The following RPGR variants were observed in gnomAD, a reference collection of about 807,000 sequenced individuals.
The protein encoded by RPGR is retinitis pigmentosa GTPase regulator, also known as X-linked retinitis pigmentosa GTPase regulator.
In RPGR, 10 loss-of-function variants were observed where a neutral mutation model predicts 56.3. The observed-to-expected ratio is 0.18, with a 90% CI of 0.11 to 0.30. The LOEUF is 0.30. Ranked by LOEUF, RPGR falls within the 10% of genes least tolerant of loss-of-function variation. The pLI is 1.00. For missense variants in RPGR, 538 were observed against 590.9 expected (o/e 0.91, Z 0.93); for synonymous variants, 197 against 212.9 (o/e 0.93, Z 0.65).
At chrX:38,276,827 G>A in intron 15 of RPGR, 1 of 983,118 alleles carries the variant, frequency 1.0e-6, no homozygotes, top group African/African-American at 1.9e-5. Context: ...AAAAAACGAG[G>A]GATTTGATAT....
chrX:38,286,883 C>G, intron 15 of RPGR: 2 of 1,206,068 alleles, frequency 1.7e-6, no homozygotes, highest in Non-Finnish European at 2.2e-6. Flanking sequence ...TCTTCCCCAT[C>G]CCTCTTCTTC....
chrX:38,277,427 T>C (rs1371732932), intron 15 of RPGR, among the ~76,000 whole-genome samples: 1 of 111,260 alleles, frequency 9.0e-6, no homozygotes, highest in Non-Finnish European at 1.9e-5. Context: ...TTATTAAGTA[T>C]AGGCAGAAAA....
At position 38,285,041 on chromosome X, in the gene RPGR, CAATT is replaced by C. The variant is rs755976137; in HGVS notation, c.1905+2049_1905+2052del. On this transcript the variant is annotated intron_variant, in intron 15 of 18. Coordinates refer to ENST00000642395, the MANE Select transcript of RPGR (RefSeq NM_000328.3). The stretch of plus-strand genomic sequence containing the variant: ...TACTTTCTTTAAAATGTGAATGCCT[CAATT>C]GAGTTTTAGAATACCATCCATTATT... The C allele has an allele frequency of 5.5e-5, 41 of 739,362 alleles. No homozygotes were observed. In the African/African-American group the frequency reaches 7.2e-4, roughly 13 times the overall value. 60.9% of individuals were successfully genotyped at this position (739,362 alleles called of 1,213,427 possible). A position where few individuals can be genotyped will look rare whatever the true frequency, so the allele number is the denominator to read the frequency against.
rs1483756039 is a variant in RPGR at position 38,323,439 on chromosome X, T to C, written c.114A>G (p.Val38=). 8.3e-7 allele frequency: 1 copy of C among 1,205,964 alleles called. No homozygotes were observed. Among genetic ancestry groups the C allele is most frequent in the Non-Finnish European group, 1.1e-6 (1 of 890,515 alleles). The change falls in exon 2 of 19, where the codon GTA becomes GTG. Residue 38 remains valine, a synonymous_variant. Coordinates refer to ENST00000642395, the MANE Select transcript of RPGR (RefSeq NM_000328.3). ...AATGTTCATCTCCACATGAAAGATG[T>C]ACAGGGACATCATTTTTAAACCAGA...
intron 14 of RPGR, 152 bp downstream of exon 14, chrX:38,287,709 T>A (rs1431437019): frequency 7.1e-6 from 4 of 565,814 alleles, no homozygotes; most frequent in Non-Finnish European, 1.2e-5. Context: ...CTGCTTCTGA[T>A]TCCTTCTGAC....
At chrX:38,315,973 G>A (rs1203166237) in intron 6 of RPGR, among the ~76,000 whole-genome samples, 1 of 109,358 alleles carries the variant, frequency 9.1e-6, no homozygotes, top group Non-Finnish European at 1.9e-5. Context: ...CATACAAAGA[G>A]AAAAAAATAA....
chrX:38,306,283 T>C (rs1182793986), intron 7 of RPGR, among the ~76,000 whole-genome samples: 1 of 112,257 alleles, frequency 8.9e-6, no homozygotes, highest in Non-Finnish European at 1.9e-5. Context: ...GATTCTCTGA[T>C]GTTATAATCC....
intron 6 of RPGR, among the ~76,000 whole-genome samples, chrX:38,316,330 T>C (rs905350443): frequency 9.0e-6 from 1 of 111,590 alleles, no homozygotes; most frequent in Non-Finnish European, 1.9e-5. Context: ...AAAAGCTCAA[T>C]GTAATGCCTG....
At chrX:38,276,807 T>C (rs1408935994) in intron 15 of RPGR, 1 of 1,123,898 alleles carries the variant, frequency 8.9e-7, no homozygotes, top group African/African-American at 1.8e-5. Context: ...AAGAGTAAGA[T>C]TTTCTTGTTA....
chrX:38,313,145 G>C (rs1224183730), intron 6 of RPGR, among the ~76,000 whole-genome samples: 1 of 111,292 alleles, frequency 9.0e-6, no homozygotes, highest in Non-Finnish European at 1.9e-5. Context: ...CCTCATCTCT[G>C]TCTCTCTCAG....
At chrX:38,304,885 T>C (rs2067567577) in intron 7 of RPGR, 95 bp from the exon 8 acceptor site, 2 of 827,637 alleles carry the variant, frequency 2.4e-6, no homozygotes, top group Non-Finnish European at 3.6e-6. Context: ...CCTTTTATAG[T>C]GAAGGTTAAG....
At chrX:38,309,673 C>T (rs930166557) in intron 7 of RPGR, among the ~76,000 whole-genome samples, 1 of 111,426 alleles carries the variant, frequency 9.0e-6, no homozygotes, top group African/African-American at 3.3e-5. Context: ...ACTAAAAATA[C>T]AAAAATTAGC....
At chrX:38,305,330 G>A (rs1478904599) in intron 7 of RPGR, among the ~76,000 whole-genome samples, 2 of 111,266 alleles carry the variant, frequency 1.8e-5, no homozygotes, top group South Asian at 7.5e-4. Flanking sequence ...CACAAGAATC[G>A]CTTGAACCCA....
At chrX:38,298,805 C>T in intron 10 of RPGR, 151 bp downstream of exon 10, 3 of 565,440 alleles carry the variant, frequency 5.3e-6, no homozygotes, top group Non-Finnish European at 8.3e-6. Flanking sequence ...TGAATTAACT[C>T]TAAAAGTTTG....
intron 16 of RPGR, chrX:38,275,217 T>C (rs770665528): frequency 2.4e-5 from 21 of 871,872 alleles, no homozygotes; most frequent in Non-Finnish European, 3.4e-5. Context: ...AGTCTGAATC[T>C]TTAAGCAGGT....
intron 13 of RPGR, among the ~76,000 whole-genome samples, chrX:38,290,089 G>A (rs1279175531): frequency 8.9e-6 from 1 of 112,270 alleles, no homozygotes; most frequent in African/African-American, 3.2e-5. Flanking sequence ...TAGATAGAAC[G>A]AATGAGGACT....
intron 15 of RPGR, among the ~76,000 whole-genome samples, chrX:38,278,080 T>C (rs764640453): frequency 1.8e-5 from 2 of 111,686 alleles, no homozygotes; most frequent in Non-Finnish European, 3.8e-5. Flanking sequence ...TAATCCAAGG[T>C]CATGAGGCAA....
At chrX:38,278,690 A>C (rs894466854) in intron 15 of RPGR, among the ~76,000 whole-genome samples, 1 of 112,501 alleles carries the variant, frequency 8.9e-6, no homozygotes, top group African/African-American at 3.2e-5. Context: ...TGTCTGCATA[A>C]ATATACATAA....
At chrX:38,320,887 A>C (rs2067926200) in intron 4 of RPGR, 140 bp downstream of exon 4, 3 of 514,450 alleles carry the variant, frequency 5.8e-6, no homozygotes, top group Non-Finnish European at 1.0e-5. Flanking sequence ...GCAAACGTGT[A>C]CTAGCCATTG....
Sources: gnomAD v4.1 joint callset for allele counts (sites outside exome capture counted in the v4.1 genomes callset) on GRCh38, gnomAD v4.1.1 for gene constraint, MANE v1.5 for transcripts, NCBI Gene and HGNC (gene_info 2026-07-23, HGNC 2026-07-21) for gene names.